ARMH4: variants seen among roughly 807,000 people sequenced by gnomAD.
ARMH4 encodes armadillo like helical domain containing 4.
A neutral mutation model predicts 61.9 loss-of-function variants in ARMH4; 49 were observed. That is an observed-to-expected ratio of 0.79 (90% CI 0.63 to 1.00). The LOEUF (loss-of-function observed/expected upper bound fraction) is 1.00, where lower values mean the gene tolerates loss of function less well. Ranked by LOEUF, ARMH4 falls within the 50% of genes least tolerant of loss-of-function variation. The pLI, the probability that ARMH4 is intolerant of heterozygous loss-of-function variation, is 0.00. For synonymous variants in ARMH4, 368 were observed against 341.5 expected (o/e 1.08, Z -0.85); for missense variants, 934 against 930.0 (o/e 1.00, Z -0.06).
chr14:58,097,123 G>A (rs1885781250), intron 4 of ARMH4, 142 bp from the exon 5 acceptor site: 20 of 935,416 alleles, frequency 2.1e-5, no homozygotes, highest in Non-Finnish European at 3.3e-5. Flanking sequence ...GTCAGACAAT[G>A]TGAACTTTGC....
Position 58,139,773 on chromosome 14 carries a change from A to G in ARMH4, c.-56-359T>C, listed in dbSNP as rs142818432. Among the ~76,000 whole-genome samples the G allele has an allele frequency of 5.9e-5, 9 of 152,372 alleles. No homozygotes were observed. The East Asian group carries it at 1.7e-3, about 29-fold the overall frequency. On this transcript the variant is annotated intron_variant, in intron 1 of 7. Coordinates refer to ENST00000267485, the MANE Select transcript of ARMH4 (RefSeq NM_001001872.4). Reference sequence around the variant, plus strand: ...TAGTCAAATGACTGTAGAAATAGCAACATGTCCAAGAAATAAAAAGTAAGT... The same window carrying G: ...TAGTCAAATGACTGTAGAAATAGCAGCATGTCCAAGAAATAAAAAGTAAGT...
chr14:58,114,555 A>C (rs1166549692), intron 4 of ARMH4, among the ~76,000 whole-genome samples: 1 of 152,162 alleles, frequency 6.6e-6, no homozygotes, highest in Non-Finnish European at 1.5e-5. Flanking sequence ...TGAAATCCAA[A>C]TAAGGTACTT....
At chr14:58,005,426 T>C (rs2141123371) in intron 6 of ARMH4, among the ~76,000 whole-genome samples, 1 of 152,332 alleles carries the variant, frequency 6.6e-6, no homozygotes, top group African/African-American at 2.4e-5. Flanking sequence ...CCAGACCTAG[T>C]GGCACCTCCA....
intron 6 of ARMH4, among the ~76,000 whole-genome samples, chr14:58,007,450 CTAAATTATG>C (rs1882221813): frequency 6.6e-6 from 1 of 152,134 alleles, no homozygotes; most frequent in African/African-American, 2.4e-5. Flanking sequence ...AGCTAGAGCT[CTAAATTATG>C]TAGATTTCAC....
intron 6 of ARMH4, among the ~76,000 whole-genome samples, chr14:58,009,535 G>A (rs555012136): frequency 2.4e-4 from 36 of 152,250 alleles, no homozygotes; most frequent in African/African-American, 8.4e-4. Flanking sequence ...TAGGGGCCGG[G>A]CACAGTAGCT....
chr14:58,098,193 AC>A lies in ARMH4; in HGVS notation c.1832-1213del, dbSNP rs1885824338. Among the ~76,000 whole-genome samples the A allele has an allele frequency of 2.0e-5, 3 of 151,778 alleles. No homozygotes were observed. The South Asian group carries it at 6.3e-4, about 32-fold the overall frequency. On this transcript the variant is annotated intron_variant, in intron 4 of 7. Coordinates refer to ENST00000267485, the MANE Select transcript of ARMH4 (RefSeq NM_001001872.4). ...TTTCTGCTTCTACACAACTTTCTCCACCCATACTACCTTTCCTCTATCATTC... is the reference window on the plus strand; with the variant it reads ...TTTCTGCTTCTACACAACTTTCTCCACCATACTACCTTTCCTCTATCATTC...
At chr14:58,016,563 GA>G (rs1209458674) in intron 5 of ARMH4, among the ~76,000 whole-genome samples, 1 of 151,876 alleles carries the variant, frequency 6.6e-6, no homozygotes, top group Non-Finnish European at 1.5e-5. Flanking sequence ...TTAAATTAAG[GA>G]AAAAAACACA....
chr14:58,062,361 C>T (rs1594732037), intron 5 of ARMH4, among the ~76,000 whole-genome samples: 1 of 152,060 alleles, frequency 6.6e-6, no homozygotes, highest in Non-Finnish European at 1.5e-5. Context: ...TAAAGAAGAG[C>T]AAAGCTGAGA....
At chr14:58,034,168 C>T (rs1883376611) in intron 5 of ARMH4, among the ~76,000 whole-genome samples, 1 of 135,748 alleles carries the variant, frequency 7.4e-6, no homozygotes, top group African/African-American at 2.8e-5. Context: ...GTCGGGTTAC[C>T]CTCAAAGGAA....
At chr14:58,008,426 A>C (rs1882266022) in intron 6 of ARMH4, among the ~76,000 whole-genome samples, 1 of 152,212 alleles carries the variant, frequency 6.6e-6, no homozygotes, top group South Asian at 2.1e-4. Flanking sequence ...AGTAAATTAT[A>C]AGTCAAATAT....
intron 5 of ARMH4, among the ~76,000 whole-genome samples, chr14:58,088,671 T>C (rs760343076): frequency 1.3e-5 from 2 of 152,212 alleles, no homozygotes; most frequent in Admixed American, 6.5e-5. Context: ...TACAGGTGTC[T>C]GAGTATACAC....
chr14:58,035,975 G>A lies in ARMH4; in HGVS notation c.2090-23825C>T, dbSNP rs1233562781. On this transcript the variant is annotated intron_variant, in intron 5 of 7. Transcript: ENST00000267485. ...TAGCCGAATTCTACCAGAGGTACAA[G>A]GAGGAACTGGTACCATTCCTTCTGA... Among the ~76,000 whole-genome samples, 3 of 129,844 alleles carry A rather than the reference G, an allele frequency of 2.3e-5. 1 individual carries two copies. The highest frequency in any genetic ancestry group is 5.6e-5 in the African/African-American group (2 of 35,418). 85.2% of individuals were successfully genotyped at this position (129,844 alleles called of 152,430 possible). A position where few individuals can be genotyped will look rare whatever the true frequency, so the allele number is the denominator to read the frequency against.
At chr14:58,058,273 G>A (rs913847256) in intron 5 of ARMH4, among the ~76,000 whole-genome samples, 7 of 152,048 alleles carry the variant, frequency 4.6e-5, no homozygotes, top group African/African-American at 9.7e-5. Flanking sequence ...GTAAATAGTT[G>A]TTATATTATT....
At chr14:58,129,972 T>C (rs1887032085) in intron 4 of ARMH4, among the ~76,000 whole-genome samples, 1 of 152,348 alleles carries the variant, frequency 6.6e-6, no homozygotes, top group Non-Finnish European at 1.5e-5. Flanking sequence ...ACCTTAGGCA[T>C]GTCGGAAAAT....
intron 1 of ARMH4, among the ~76,000 whole-genome samples, chr14:58,143,034 C>A (rs1348428379): frequency 6.6e-6 from 1 of 152,170 alleles, no homozygotes. Context: ...ATGACTGCAC[C>A]CCTGGCTGAC....
At chr14:58,132,118 C>T (rs747328681) in intron 3 of ARMH4, among the ~76,000 whole-genome samples, 5 of 152,140 alleles carry the variant, frequency 3.3e-5, no homozygotes, top group Non-Finnish European at 7.4e-5. Flanking sequence ...AAAATCAAGT[C>T]ATAGAGTAAG....
chr14:58,073,738 G>A (rs745703900), intron 5 of ARMH4, among the ~76,000 whole-genome samples: 13 of 152,170 alleles, frequency 8.5e-5, no homozygotes, highest in African/African-American at 1.7e-4. Context: ...GAGAAGAGAC[G>A]TGAGAAATCA....
chr14:58,016,614 A>G (rs916603753), intron 5 of ARMH4, among the ~76,000 whole-genome samples: 5 of 152,226 alleles, frequency 3.3e-5, no homozygotes, highest in Non-Finnish European at 5.9e-5. Flanking sequence ...AACCTTTGCA[A>G]ACTAAAGTTG....
At chr14:58,137,571 G>C (rs999680955) in intron 2 of ARMH4, among the ~76,000 whole-genome samples, 2 of 151,958 alleles carry the variant, frequency 1.3e-5, no homozygotes, top group Admixed American at 1.3e-4. Context: ...GCTAATTTTT[G>C]TATTTTAATA....
Sources: gnomAD v4.1 joint callset for allele counts (sites outside exome capture counted in the v4.1 genomes callset) on GRCh38, gnomAD v4.1.1 for gene constraint, MANE v1.5 for transcripts, NCBI Gene and HGNC (gene_info 2026-07-23, HGNC 2026-07-21) for gene names.